GRIK1: variants seen among roughly 807,000 people sequenced by gnomAD.
GRIK1 encodes the protein glutamate ionotropic receptor kainate type subunit 1.
GRIK1 carries 69 observed loss-of-function variants against 105.7 expected under a neutral mutation model. The observed-to-expected ratio is 0.65, with a 90% confidence interval of 0.54 to 0.80. The LOEUF (loss-of-function observed/expected upper bound fraction) is 0.80. GRIK1 is among the 30% of genes least tolerant of loss of function. The pLI is 0.00. For synonymous variants in GRIK1, 438 were observed against 431.3 expected (o/e 1.02, Z -0.19); for missense variants, 1,109 against 1,167.3 (o/e 0.95, Z 0.73).
intron 1 of GRIK1, among the ~76,000 whole-genome samples, chr21:29,698,701 G>A (rs1351920617): frequency 6.6e-6 from 1 of 152,118 alleles, no homozygotes; most frequent in Non-Finnish European, 1.5e-5. Context: ...TCCTTTGTCT[G>A]ATCATCATTA....
chr21:29,590,911 G>T (rs1601200046), intron 10 of GRIK1, among the ~76,000 whole-genome samples: 1 of 152,324 alleles, frequency 6.6e-6, no homozygotes, highest in South Asian at 2.1e-4. Flanking sequence ...TGGATTAGAG[G>T]TGGGAGATCT....
intron 1 of GRIK1, among the ~76,000 whole-genome samples, chr21:29,774,467 T>C (rs969203898): frequency 1.6e-4 from 18 of 111,194 alleles, no homozygotes; most frequent in Non-Finnish European, 1.2e-4. Context: ...TTTTTTTTTT[T>C]CTGAGACGGA....
chr21:29,774,063 C>A (rs1280794336), intron 1 of GRIK1, among the ~76,000 whole-genome samples: 1 of 152,148 alleles, frequency 6.6e-6, no homozygotes, highest in Non-Finnish European at 1.5e-5. Context: ...GATTTATATC[C>A]TGAATATAAG....
intron 1 of GRIK1, among the ~76,000 whole-genome samples, chr21:29,782,301 T>A (rs1481868976): frequency 2.0e-5 from 3 of 152,062 alleles, no homozygotes; most frequent in East Asian, 1.9e-4. Flanking sequence ...TTAGCCAGGA[T>A]GGTCTCGATC....
intron 1 of GRIK1, among the ~76,000 whole-genome samples, chr21:29,891,968 A>G (rs769481805): frequency 3.3e-5 from 5 of 152,344 alleles, no homozygotes; most frequent in Middle Eastern, 3.4e-3. Context: ...ACTCAATCTG[A>G]GCATTAATTA....
At chr21:29,821,847 C>T (rs903428587) in intron 1 of GRIK1, among the ~76,000 whole-genome samples, 3 of 151,966 alleles carry the variant, frequency 2.0e-5, no homozygotes, top group Admixed American at 1.3e-4. Context: ...TTTTATCATA[C>T]ATTTTATGTA....
chr21:29,694,687 T>C lies in GRIK1; in HGVS notation c.119-624A>G, dbSNP rs569160355. Among the ~76,000 whole-genome samples the C allele has an allele frequency of 1.2e-4, 18 of 152,342 alleles. 1 individual carries two copies. In the South Asian group the frequency reaches 1.4e-3, roughly 12 times the overall value. Reference sequence around the variant, plus strand: ...TGGCAGAGGACGATTTTCTGTGATGTGGACAAGAATTGCACCATGCTCGAT... The same window carrying C: ...TGGCAGAGGACGATTTTCTGTGATGCGGACAAGAATTGCACCATGCTCGAT... On this transcript the variant is annotated intron_variant, in intron 1 of 17. Coordinates refer to ENST00000327783, the MANE Select transcript of GRIK1 (RefSeq NM_001330994.2).
chr21:29,669,336 T>C (rs755244151), intron 4 of GRIK1, among the ~76,000 whole-genome samples: 2 of 152,142 alleles, frequency 1.3e-5, no homozygotes, highest in Non-Finnish European at 2.9e-5. Flanking sequence ...TGCAGGACAA[T>C]GATGGAAAAC....
chr21:29,907,436 G>A (rs2070683177), intron 1 of GRIK1, among the ~76,000 whole-genome samples: 1 of 152,048 alleles, frequency 6.6e-6, no homozygotes, highest in Admixed American at 6.6e-5. Context: ...ATTCAAAGAG[G>A]TGACAGACGT....
chr21:29,652,794 C>A lies in GRIK1; in HGVS notation c.781-1503G>T, dbSNP rs140909159. ...GCAACCGCTTTCTGAAAGTGCATTG[C>A]AAGACAGGACATTATCCTGATGATT... On this transcript the variant is annotated intron_variant, in intron 5 of 17. Transcript: ENST00000327783. Among the ~76,000 whole-genome samples the A allele has an allele frequency of 1.8e-3, 275 of 152,286 alleles. 2 individuals carry two copies. Among genetic ancestry groups the A allele is most frequent in the African/African-American group, 6.2e-3 (256 of 41,568 alleles).
At chr21:29,785,354 G>C (rs1243029833) in intron 1 of GRIK1, among the ~76,000 whole-genome samples, 3 of 152,018 alleles carry the variant, frequency 2.0e-5, no homozygotes, top group Admixed American at 6.6e-5. Context: ...CCTGAGGTCA[G>C]GATTTTTGAG....
Position 29,561,655 on chromosome 21 carries a change from G to A in GRIK1, c.2325C>T (p.Asp775=), listed in dbSNP as rs1234354826. 1 of 1,613,412 alleles carries A rather than the reference G, an allele frequency of 6.2e-7. No homozygotes were observed. The highest frequency in any genetic ancestry group is 1.1e-5 in the South Asian group (1 of 91,050). Residue 775 remains aspartate, a synonymous_variant, in exon 15 of 18, where the codon GAC becomes GAT. Coordinates refer to ENST00000327783, the MANE Select transcript of GRIK1 (RefSeq NM_001330994.2). The part of the protein sequence containing the change: ...CNLTQIGGLI[D]SKGYGVGTPI... ...GTGTTCCCACTCCGTAACCTTTGGA[G>A]TCAATGAGGCCCCCGATCTGAGTGA...
At chr21:29,694,890 G>T (rs1021191270) in intron 1 of GRIK1, among the ~76,000 whole-genome samples, 2 of 152,138 alleles carry the variant, frequency 1.3e-5, no homozygotes, top group Non-Finnish European at 1.5e-5. Flanking sequence ...GTGCTTCATG[G>T]CTCAGAATTC....
At chr21:29,901,747 A>G (rs1320166015) in intron 1 of GRIK1, among the ~76,000 whole-genome samples, 1 of 152,218 alleles carries the variant, frequency 6.6e-6, no homozygotes, top group Non-Finnish European at 1.5e-5. Context: ...TCCTTCTGAA[A>G]CTATTCCAAT....
intron 12 of GRIK1, among the ~76,000 whole-genome samples, chr21:29,582,131 A>C (rs1409202191): frequency 6.6e-6 from 1 of 152,226 alleles, no homozygotes; most frequent in Admixed American, 6.5e-5. Flanking sequence ...GGAGTGTATT[A>C]GATGTTTTTC....
At chr21:29,625,697 T>C (rs767188949) in intron 7 of GRIK1, among the ~76,000 whole-genome samples, 1 of 152,236 alleles carries the variant, frequency 6.6e-6, no homozygotes, top group Non-Finnish European at 1.5e-5. Flanking sequence ...CATGTCTCTC[T>C]TCATGTTGAA....
intron 7 of GRIK1, among the ~76,000 whole-genome samples, chr21:29,605,889 A>G (rs892751709): frequency 2.6e-5 from 4 of 152,164 alleles, no homozygotes; most frequent in African/African-American, 9.7e-5. Context: ...TCTTCTGAGA[A>G]CATTGTGTAT....
chr21:29,904,062 G>A (rs1190718073), intron 1 of GRIK1, among the ~76,000 whole-genome samples: 1 of 152,084 alleles, frequency 6.6e-6, no homozygotes, highest in African/African-American at 2.4e-5. Flanking sequence ...CTCATAAGTG[G>A]GAGTTGAACA....
At chr21:29,773,028 T>C (rs913706824) in intron 1 of GRIK1, among the ~76,000 whole-genome samples, 6 of 152,110 alleles carry the variant, frequency 3.9e-5, no homozygotes, top group Admixed American at 2.0e-4. Flanking sequence ...GGTGGTGATG[T>C]TGAGGGAGAG....
Sources: allele counts gnomAD v4.1 joint callset (sites outside exome capture counted in the v4.1 genomes callset), GRCh38; gene constraint gnomAD v4.1.1; transcripts MANE v1.5; gene names NCBI Gene and HGNC (gene_info 2026-07-23, HGNC 2026-07-21).